Variants in MORC1 observed in about 807,000 individuals in gnomAD.
The protein encoded by MORC1 is MORC family CW-type zinc finger protein 1.
In MORC1, 59 loss-of-function variants were observed where a neutral mutation model predicts 134.9. That is an observed-to-expected ratio of 0.44 (90% CI 0.35 to 0.54). The LOEUF (loss-of-function observed/expected upper bound fraction) is 0.54. Among genes scored for constraint, MORC1 ranks in the 20% least tolerant of loss-of-function variants. The pLI is 0.00. For missense variants in MORC1, 947 were observed against 1,134.5 expected (o/e 0.83, Z 2.37); for synonymous variants, 395 against 391.7 (o/e 1.01, Z -0.10).
Position 109,018,180 on chromosome 3 carries a change from T to C in MORC1, c.1704+9571A>G, listed in dbSNP as rs544653770. ...CACAGCCCTGGAAAGTAAAGAATGC[T>C]CCTTTCTAATTTTCTATCAATTCTT... On this transcript the variant is annotated intron_variant, in intron 17 of 27. Transcript: ENST00000232603. Among the ~76,000 whole-genome samples the C allele has an allele frequency of 2.6e-3, 389 of 152,166 alleles. 6 individuals carry two copies. Among genetic ancestry groups the C allele is most frequent in the Non-Finnish European group, 2.7e-3 (183 of 68,014 alleles).
At chr3:109,015,468 ATCT>A (rs1380596294) in intron 17 of MORC1, among the ~76,000 whole-genome samples, 1 of 152,158 alleles carries the variant, frequency 6.6e-6, no homozygotes, top group African/African-American at 2.4e-5. Context: ...AGTTCTGCTC[ATCT>A]TCTTTAATTC....
At chr3:109,032,258 T>C (rs954990015) in intron 16 of MORC1, among the ~76,000 whole-genome samples, 2 of 152,204 alleles carry the variant, frequency 1.3e-5, no homozygotes, top group African/African-American at 4.8e-5. Context: ...TCCTTCAATA[T>C]TTAATCAGTC....
chr3:109,034,407 T>C (rs1949322230), intron 15 of MORC1, among the ~76,000 whole-genome samples: 1 of 152,212 alleles, frequency 6.6e-6, no homozygotes, highest in Non-Finnish European at 1.5e-5. Flanking sequence ...CTTTGTGTAG[T>C]GGCTAGAAAA....
At chr3:109,068,369 C>CCCCTCAAGT (rs1239460862) in intron 9 of MORC1, among the ~76,000 whole-genome samples, 2 of 152,144 alleles carry the variant, frequency 1.3e-5, no homozygotes, top group South Asian at 2.1e-4. Flanking sequence ...CCCACTCTTC[C>CCCCTCAAGT]CCCTCAAGTC....
rs564082247 is a variant in MORC1, at chr3:109,076,745, C to T, written c.690-6988G>A. Among the ~76,000 whole-genome samples the T allele has an allele frequency of 2.6e-3, 398 of 152,250 alleles. 2 individuals are homozygous for T. Among genetic ancestry groups the T allele is most frequent in the Non-Finnish European group, 4.6e-3 (310 of 68,028 alleles). On this transcript the variant is annotated intron_variant, in intron 8 of 27. Transcript: ENST00000232603. Reference sequence around the variant, plus strand: ...CACAGAAACAGAAAACCAAATACCACATGTTCTCACTCATAAGTGGGAGCT... The same window carrying T: ...CACAGAAACAGAAAACCAAATACCATATGTTCTCACTCATAAGTGGGAGCT...
intron 21 of MORC1, among the ~76,000 whole-genome samples, chr3:108,991,409 AAGG>A (rs1312013052): frequency 2.0e-5 from 3 of 152,186 alleles, no homozygotes; most frequent in Admixed American, 6.5e-5. Flanking sequence ...CAGGATGAGA[AAGG>A]AGGAGAGAAA....
chr3:109,081,849 G>GA (rs1950526664), intron 8 of MORC1, among the ~76,000 whole-genome samples: 1 of 152,106 alleles, frequency 6.6e-6, no homozygotes, highest in Non-Finnish European at 1.5e-5. Flanking sequence ...TTCTATACCA[G>GA]AAAAAGTGAG....
At chr3:108,979,784 G>A (rs1947662637) in intron 23 of MORC1, 117 bp from the exon 24 acceptor site, 2 of 1,121,158 alleles carry the variant, frequency 1.8e-6, no homozygotes, top group South Asian at 3.8e-5. Context: ...GAACATGCGT[G>A]TAATGCCGAA....
chr3:109,043,326 A>G (rs1405666556), intron 14 of MORC1, among the ~76,000 whole-genome samples: 1 of 152,156 alleles, frequency 6.6e-6, no homozygotes, highest in African/African-American at 2.4e-5. Context: ...TAAATACTGT[A>G]TTGTTCCACT....
intron 14 of MORC1, among the ~76,000 whole-genome samples, chr3:109,045,282 C>G (rs2107646392): frequency 6.6e-6 from 1 of 152,318 alleles, no homozygotes; most frequent in Non-Finnish European, 1.5e-5. Flanking sequence ...AGTTAAATCA[C>G]TCTTCCTCCT....
intron 17 of MORC1, among the ~76,000 whole-genome samples, chr3:109,016,016 T>G (rs1344158135): frequency 6.6e-6 from 1 of 152,202 alleles, no homozygotes; most frequent in Non-Finnish European, 1.5e-5. Context: ...CATTTATGTT[T>G]CATATACACC....
Position 109,057,462 on chromosome 3 carries a change from G to C in MORC1, c.1056C>G (p.Leu352=), listed in dbSNP as rs763123848. ...CTACGTTCACTCCATAGAACAGGGA[G>C]AGCGTTCTTGCTGTTTTTAATTCTC... is the stretch of plus-strand genomic sequence containing the variant. ...KQRELKTART[L]SLFYGVNVEN... The change falls in exon 13 of 28, where the codon CTC becomes CTG. Residue 352 remains leucine (L), a synonymous_variant. Transcript: ENST00000232603. 4.4e-6 allele frequency: 7 copies of C among 1,600,850 alleles called. No homozygotes were observed. The Admixed American group carries it at 1.2e-4, about 28-fold the overall frequency.
chr3:109,117,010 A>G (rs919436820), intron 1 of MORC1, among the ~76,000 whole-genome samples: 3 of 152,192 alleles, frequency 2.0e-5, no homozygotes, highest in Non-Finnish European at 2.9e-5. Context: ...TAAAATTCAC[A>G]GTCCTTCCAG....
intron 24 of MORC1, among the ~76,000 whole-genome samples, chr3:108,974,989 T>C (rs746487087): frequency 2.0e-5 from 3 of 152,202 alleles, no homozygotes; most frequent in African/African-American, 4.8e-5. Flanking sequence ...TTTGAAAAGT[T>C]CCAGCTAAGG....
At chr3:109,055,465 T>C (rs1240207164) in intron 13 of MORC1, among the ~76,000 whole-genome samples, 1 of 150,300 alleles carries the variant, frequency 6.7e-6, no homozygotes, top group Non-Finnish European at 1.5e-5. Context: ...GCACGGCACA[T>C]GTGTCAAAGC....
At chr3:109,062,718 C>T (rs377374844) in intron 10 of MORC1, among the ~76,000 whole-genome samples, 12 of 152,078 alleles carry the variant, frequency 7.9e-5, no homozygotes, top group African/African-American at 2.4e-4. Context: ...TCTAAAATGA[C>T]CTAACACAGT....
intron 21 of MORC1, among the ~76,000 whole-genome samples, chr3:108,990,419 C>G (rs1948013854): frequency 6.6e-6 from 1 of 152,084 alleles, no homozygotes; most frequent in Non-Finnish European, 1.5e-5. Flanking sequence ...ACACTCCTCT[C>G]ACGTCTTTGG....
chr3:108,992,319 TA>T (rs1401088219), intron 21 of MORC1, among the ~76,000 whole-genome samples: 1 of 152,212 alleles, frequency 6.6e-6, no homozygotes. Context: ...CTTCCTTTCT[TA>T]AAAGTTGTAT....
chr3:108,997,891 AT>A (rs1167351852), intron 21 of MORC1, among the ~76,000 whole-genome samples: 11 of 152,350 alleles, frequency 7.2e-5, no homozygotes, highest in Non-Finnish European at 1.5e-5. Flanking sequence ...AGGCAGACTG[AT>A]AGACATTTAT....
Sources: gnomAD v4.1 joint callset for allele counts (sites outside exome capture counted in the v4.1 genomes callset) on GRCh38, gnomAD v4.1.1 for gene constraint, MANE v1.5 for transcripts, NCBI Gene and HGNC (gene_info 2026-07-23, HGNC 2026-07-21) for gene names.